Variants in TIAL1 observed in about 807,000 individuals in gnomAD.
TIAL1 encodes nucleolysin TIAR.
A neutral mutation model predicts 59.7 loss-of-function variants in TIAL1; 7 were observed. The ratio of observed to expected loss-of-function variants is 0.12; its 90% CI spans 0.07 to 0.22. The LOEUF (loss-of-function observed/expected upper bound fraction) is 0.22. Ranked by LOEUF, TIAL1 falls within the 10% of genes least tolerant of loss-of-function variation. TIAL1 has a pLI of 1.00. For synonymous variants in TIAL1, 149 were observed against 146.3 expected, an observed-to-expected ratio of 1.02 and a Z score of -0.13; for missense variants, 225 against 462.5, an observed-to-expected ratio of 0.49 and a Z score of 4.71.
In TIAL1 at chr10:119,573,551, T is replaced by C. The variant is rs1844803282; in HGVS notation, c.*2114A>G. On this transcript the variant is annotated 3_prime_UTR_variant, in exon 12 of 12. Coordinates refer to ENST00000436547, the MANE Select transcript of TIAL1 (RefSeq NM_003252.4). ...AAACACTACAGCTATATTTAGCTGT[T>C]AGTTATCTCAATAAGCTACTTAATT... The C allele has an allele frequency of 6.5e-6, 1 of 152,690 alleles. No individual in the cohort carries two copies. The highest frequency in any genetic ancestry group is 2.4e-5 in the African/African-American group (1 of 41,548). The allele number at this position is 152,690 out of a possible 1,614,324, so 9.5% of individuals were successfully genotyped here.
chr10:119,586,138 A>G lies in TIAL1; in HGVS notation c.129+2014T>C, dbSNP rs184353831. On this transcript the variant is annotated intron_variant, in intron 2 of 11. Transcript: ENST00000436547. The stretch of plus-strand genomic sequence containing the variant: ...TGCAAACTACTTTATCCAACTGCCT[A>G]ATCTAACGTCCACTTTGATGTCTAA... Among the ~76,000 whole-genome samples the G allele has an allele frequency of 2.0e-3, 298 of 152,308 alleles. 2 individuals are homozygous for G. Among genetic ancestry groups the G allele is most frequent in the African/African-American group, 6.7e-3 (280 of 41,562 alleles).
chr10:119,593,320 T>C (rs1472947231), intron 1 of TIAL1: 2 of 223,590 alleles, frequency 8.9e-6, no homozygotes, highest in African/African-American at 2.3e-5. Flanking sequence ...ATGAAGAACA[T>C]CAGAAAACAG....
intron 5 of TIAL1, chr10:119,581,608 C>CATA (rs1845309097): frequency 4.8e-6 from 1 of 207,944 alleles, no homozygotes; most frequent in African/African-American, 2.3e-5. Context: ...ATTTTGAAAA[C>CATA]ATATGACAAA....
intron 1 of TIAL1, among the ~76,000 whole-genome samples, chr10:119,589,638 A>G (rs1008162564): frequency 9.2e-5 from 14 of 152,334 alleles, no homozygotes; most frequent in African/African-American, 3.1e-4. Flanking sequence ...TTTCCTAATT[A>G]CAATTGAATG....
intron 10 of TIAL1, 21 bp from the exon 11 acceptor site, chr10:119,576,771 G>A (rs1370733919): frequency 6.2e-7 from 1 of 1,610,338 alleles, no homozygotes. Flanking sequence ...GCAAAGTATT[G>A]TTTTAGGGAA....
At position 119,582,375 on chromosome 10, in the gene TIAL1, T is replaced by C; in HGVS notation, c.228+84A>G. On this transcript the variant is annotated intron_variant, in intron 3 of 11. Coordinates refer to ENST00000436547, the MANE Select transcript of TIAL1 (RefSeq NM_003252.4). This position sits in a 1 kb window ranked among gnomAD's most constrained non-coding sequence, Gnocchi z 5.1. ...CATCACTCAGCAGCCGAATATCTGC[T>C]CAAAAATTTGCCTAGAAAGAATACA... 1.3e-6 allele frequency: 2 copies of C among 1,507,848 alleles called. No homozygotes were observed. The highest frequency in any genetic ancestry group is 4.6e-5 in the East Asian group (2 of 43,662). The allele number at this position is 1,507,848 out of a possible 1,614,324, so 93.4% of individuals were successfully genotyped here. A position where few individuals can be genotyped will look rare whatever the true frequency, so the allele number is the denominator to read the frequency against.
At chr10:119,578,638 A>G in intron 7 of TIAL1, 88 bp downstream of exon 7, 1 of 1,194,920 alleles carries the variant, frequency 8.4e-7, no homozygotes, top group South Asian at 1.3e-5. Context: ...CTCTTACATA[A>G]ATAAATTAGA....
intron 1 of TIAL1, among the ~76,000 whole-genome samples, chr10:119,590,956 T>C (rs1220771465): frequency 6.6e-6 from 1 of 152,166 alleles, no homozygotes; most frequent in Non-Finnish European, 1.5e-5. Flanking sequence ...AAAATTAAAA[T>C]AGAATTATCA....
At chr10:119,595,695 A>G (rs1234375728) in intron 1 of TIAL1, among the ~76,000 whole-genome samples, 1 of 152,208 alleles carries the variant, frequency 6.6e-6, no homozygotes, top group Non-Finnish European at 1.5e-5. Flanking sequence ...CAAACAGATT[A>G]GGAAGAGGCA....
At chr10:119,588,700 T>C (rs759320653) in intron 1 of TIAL1, among the ~76,000 whole-genome samples, 5 of 152,210 alleles carry the variant, frequency 3.3e-5, no homozygotes, top group Admixed American at 6.5e-5. Context: ...CAATTAAACC[T>C]GATCCTATGA....
At chr10:119,587,189 C>A (rs1372475852) in intron 2 of TIAL1, among the ~76,000 whole-genome samples, 1 of 152,192 alleles carries the variant, frequency 6.6e-6, no homozygotes, top group Non-Finnish European at 1.5e-5. Context: ...CAGTTTCTAG[C>A]CCTTTCCATA....
At chr10:119,590,752 G>A (rs1326362173) in intron 1 of TIAL1, among the ~76,000 whole-genome samples, 1 of 104,970 alleles carries the variant, frequency 9.5e-6, no homozygotes, top group Non-Finnish European at 2.0e-5. Flanking sequence ...GAGAGAGACA[G>A]AGAGAAAGAG....
Position 119,577,729 on chromosome 10 carries a change from A to C in TIAL1, c.564T>G (p.Thr188=), listed in dbSNP as rs755026379. The change falls in exon 8 of 12, where the codon ACT becomes ACG. Residue 188 remains threonine, a synonymous_variant. Coordinates refer to ENST00000436547, the MANE Select transcript of TIAL1 (RefSeq NM_003252.4). ...CTACATCTTCAAATCTCAACTGCTT[A>C]GTGTTGTCTGTATGCAGAAACAAAA... ...PAPKSTQENN[T]KQLRFEDVVN... The C allele has an allele frequency of 2.5e-6, 4 of 1,613,598 alleles. No homozygotes were observed. The highest frequency in any genetic ancestry group is 4.5e-5 in the East Asian group (2 of 44,886).
chr10:119,573,949 C>T lies in TIAL1; in HGVS notation c.*1716G>A, dbSNP rs1399955894. ...AGTAATACCAAAATTATTGTGACCA[C>T]CAATTTATAAAATCATTATTTTAAA... On this transcript the variant is annotated 3_prime_UTR_variant, in exon 12 of 12. Transcript: ENST00000436547. The T allele has an allele frequency of 1.3e-5, 2 of 152,334 alleles. No homozygotes were observed. The highest frequency in any genetic ancestry group is 2.1e-4 in the South Asian group (1 of 4,832). 9.4% of individuals were successfully genotyped at this position (152,334 alleles called of 1,614,324 possible).
At chr10:119,580,495 T>A in intron 5 of TIAL1, 7 of 1,037,992 alleles carry the variant, frequency 6.7e-6, no homozygotes, top group Non-Finnish European at 8.2e-6. Context: ...GATTTCTTTA[T>A]TTTTCTTGGT....
chr10:119,583,976 C>T (rs1402276752), intron 2 of TIAL1, among the ~76,000 whole-genome samples: 1 of 152,148 alleles, frequency 6.6e-6, no homozygotes, highest in Non-Finnish European at 1.5e-5. Flanking sequence ...TAAAATTGTG[C>T]TAGTTGAGTT....
chr10:119,575,771 C>A lies in TIAL1; in HGVS notation c.1022G>T (p.Trp341Leu). The A allele has an allele frequency of 6.3e-7, 1 of 1,578,768 alleles. No individual in the cohort carries two copies. The highest frequency in any genetic ancestry group is 8.6e-7 in the Non-Finnish European group (1 of 1,166,314). ...AGGCTGAGCACCAAATCCACCCATC[C>A]AAGCAGCAGAAGGTGATTGACTTGG... ...FGVDQSPSAA[W>L]MGGFGAQPPQ... The change falls in exon 12 of 12, where the codon TGG becomes TTG. Residue 341 changes from tryptophan (W) to leucine (L), a missense_variant. By Grantham distance (61) the Trp-to-Leu change is moderately conservative. Transcript: ENST00000436547.
At chr10:119,578,530 C>A (rs1845142804) in intron 7 of TIAL1, among the ~76,000 whole-genome samples, 196 bp downstream of exon 7, 1 of 152,042 alleles carries the variant, frequency 6.6e-6, no homozygotes, top group Non-Finnish European at 1.5e-5. Context: ...ACTCAGGAGG[C>A]TGAGGTGAAA....
rs1352154661 is a variant in TIAL1, at chr10:119,579,998, T to C, written c.384A>G (p.Val128=). 5 of 1,610,700 alleles carry C rather than the reference T, an allele frequency of 3.1e-6. No homozygotes were observed. In the South Asian group the frequency reaches 5.5e-5, roughly 18 times the overall value. The change falls in exon 6 of 12, where the codon GTA becomes GTG. Residue 128 remains valine, a synonymous_variant. Transcript: ENST00000436547. ...ATTTTCCAGTTGCCATGTCTTTAAC[T>C]ACCCGGGCATCCCTGTGAAAAGAAG... ...APFGKISDAR[V]VKDMATGKSK... is the part of the protein sequence containing the mutation.
Sources: gnomAD v4.1 joint callset for allele counts (sites outside exome capture counted in the v4.1 genomes callset) on GRCh38, gnomAD v4.1.1 for gene constraint, Gnocchi (gnomAD v3.1) non-coding constraint, MANE v1.5 for transcripts, NCBI Gene and HGNC (gene_info 2026-07-23, HGNC 2026-07-21) for gene names.